Variants in RPS6KA2 observed in about 807,000 individuals in gnomAD.
RPS6KA2 encodes the protein ribosomal protein S6 kinase alpha-2.
Under a neutral mutation model 91.8 loss-of-function variants are expected in RPS6KA2, and 42 were observed. The ratio of observed to expected loss-of-function variants is 0.46; its 90% confidence interval spans 0.36 to 0.59. The LOEUF (loss-of-function observed/expected upper bound fraction) is 0.59. Among genes scored for constraint, RPS6KA2 ranks in the 20% least tolerant of loss-of-function variants. The pLI is 0.00. For synonymous variants in RPS6KA2, 414 were observed against 393.6 expected (o/e 1.05, Z -0.61); for missense variants, 798 against 978.5 (o/e 0.82, Z 2.46).
At chr6:166,453,157 C>A (rs914978649) in intron 12 of RPS6KA2, among the ~76,000 whole-genome samples, 2 of 151,262 alleles carry the variant, frequency 1.3e-5, no homozygotes, top group Admixed American at 1.3e-4. Flanking sequence ...GCCAAGATGG[C>A]GTCACTGCAC....
intron 2 of RPS6KA2, among the ~76,000 whole-genome samples, chr6:166,668,501 T>C (rs551271898): frequency 1.3e-5 from 2 of 152,270 alleles, no homozygotes; most frequent in South Asian, 4.1e-4. Flanking sequence ...AGAAAGTGTT[T>C]CATACAAAGA....
intron 1 of RPS6KA2, among the ~76,000 whole-genome samples, chr6:166,625,141 C>G (rs1450257039): frequency 6.6e-6 from 1 of 152,124 alleles, no homozygotes; most frequent in African/African-American, 2.4e-5. Context: ...CATTATTGAC[C>G]ATCTTAGTGA....
At chr6:166,457,062 A>G (rs969849545) in intron 12 of RPS6KA2, among the ~76,000 whole-genome samples, 6 of 152,202 alleles carry the variant, frequency 3.9e-5, no homozygotes, top group African/African-American at 1.4e-4. Flanking sequence ...CTGTATTAAC[A>G]TTTTCTTACC....
chr6:166,600,452 A>G (rs2128525988), intron 1 of RPS6KA2, among the ~76,000 whole-genome samples: 1 of 152,376 alleles, frequency 6.6e-6, no homozygotes, highest in East Asian at 1.9e-4. Flanking sequence ...AGATAAATGA[A>G]TGAGTCACCA....
intron 2 of RPS6KA2, among the ~76,000 whole-genome samples, chr6:166,718,705 G>A (rs751771880): frequency 3.9e-5 from 6 of 152,156 alleles, no homozygotes; most frequent in Non-Finnish European, 8.8e-5. Context: ...CTCACCCGCT[G>A]GTGTAAGATA....
intron 1 of RPS6KA2, among the ~76,000 whole-genome samples, chr6:166,566,312 C>G (rs1460784959): frequency 6.6e-6 from 1 of 152,226 alleles, no homozygotes; most frequent in Non-Finnish European, 1.5e-5. Flanking sequence ...CCAGGCTGCT[C>G]CTTGGCATCT....
At chr6:166,569,207 G>A (rs1181588624) in intron 1 of RPS6KA2, among the ~76,000 whole-genome samples, 2 of 152,182 alleles carry the variant, frequency 1.3e-5, no homozygotes. Flanking sequence ...CAACCCACAG[G>A]GGCTGAGACC....
intron 13 of RPS6KA2, among the ~76,000 whole-genome samples, chr6:166,450,513 C>A (rs1312268684): frequency 6.7e-6 from 1 of 149,932 alleles, no homozygotes; most frequent in Non-Finnish European, 1.5e-5. Flanking sequence ...TGGGGACCAC[C>A]AGAGGGACCA....
rs760945888 is a variant in RPS6KA2, at chr6:166,626,996, G to C, written c.24C>G (p.Phe8Leu). 1.9e-6 allele frequency: 3 copies of C among 1,550,890 alleles called. No individual in the cohort carries two copies. The Admixed American group carries it at 5.5e-5, about 28-fold the overall frequency. Residue 8 changes from phenylalanine (F) to leucine (L), a missense_variant, in exon 1 of 21, where the codon TTC becomes TTG. By Grantham distance (22) the Phe-to-Leu change is conservative. Coordinates refer to ENST00000265678, the MANE Select transcript of RPS6KA2 (RefSeq NM_021135.6). This position sits in a 1 kb window ranked among gnomAD's most constrained non-coding sequence, Gnocchi z 4.1. MDLSMKK[F>L]AVRRFFSVYL... ...ACACAGAGAAGAACCTGCGCACGGC[G>C]AACTTCTTCATGCTCAGGTCCATCG...
intron 2 of RPS6KA2, among the ~76,000 whole-genome samples, chr6:166,745,146 GCCTTTTTTTT>G (rs1562413545): frequency 4.9e-5 from 7 of 141,608 alleles, no homozygotes; most frequent in African/African-American, 1.9e-4. Flanking sequence ...GTCCTAATCG[GCCTTTTTTTT>G]TTTTTTTTTT....
At chr6:166,492,676 A>G (rs1781634091) in intron 8 of RPS6KA2, among the ~76,000 whole-genome samples, 1 of 150,984 alleles carries the variant, frequency 6.6e-6, no homozygotes, top group Admixed American at 6.6e-5. Flanking sequence ...TTGCTGATGG[A>G]CTGGTATCTT....
At chr6:166,768,962 A>G (rs936924584) in intron 2 of RPS6KA2, among the ~76,000 whole-genome samples, 4 of 152,162 alleles carry the variant, frequency 2.6e-5, no homozygotes, top group African/African-American at 7.2e-5. Flanking sequence ...GACTGGACAC[A>G]GGGTCCTGGC....
chr6:166,824,082 C>T (rs891454532), intron 2 of RPS6KA2, among the ~76,000 whole-genome samples: 1 of 151,730 alleles, frequency 6.6e-6, no homozygotes, highest in Non-Finnish European at 1.5e-5. Context: ...TGTGTATGTG[C>T]TTGTTTATAT....
chr6:166,547,816 C>T (rs1334651289), intron 1 of RPS6KA2, among the ~76,000 whole-genome samples: 6 of 152,238 alleles, frequency 3.9e-5, no homozygotes, highest in Admixed American at 1.3e-4. Flanking sequence ...TGAGTGGAAA[C>T]GCACCTGCCC....
At position 166,737,744 on chromosome 6, in the gene RPS6KA2, C is replaced by T. The variant is rs1790708572; in HGVS notation, c.123+120456G>A. Among the ~76,000 whole-genome samples the T allele has an allele frequency of 1.3e-5, 2 of 152,186 alleles. No individual in the cohort carries two copies. The highest frequency in any genetic ancestry group is 4.1e-4 in the South Asian group (2 of 4,830). ...AAAGGACTCTGGTGACGGTTCTGAA[C>T]TTGACAAATGCCGTACCCAAAATAG... is the stretch of plus-strand genomic sequence containing the variant. On this transcript the variant is annotated intron_variant, in intron 2 of 21. Coordinates refer to the RPS6KA2 transcript ENST00000503859. This position sits in a 1 kb window ranked among gnomAD's most constrained non-coding sequence, Gnocchi z 4.3.
At chr6:166,739,815 A>T (rs1309908283) in intron 2 of RPS6KA2, among the ~76,000 whole-genome samples, 1 of 152,210 alleles carries the variant, frequency 6.6e-6, no homozygotes, top group African/African-American at 2.4e-5. Context: ...GGCTCCGTGC[A>T]GCTTCCACTC....
At chr6:166,464,046 C>T (rs929561596) in intron 11 of RPS6KA2, among the ~76,000 whole-genome samples, 8 of 152,200 alleles carry the variant, frequency 5.3e-5, no homozygotes, top group East Asian at 3.8e-4. Context: ...ATAGAAATCT[C>T]GCTGCTGGCA....
At chr6:166,538,860 G>T in intron 1 of RPS6KA2, 76 bp from the exon 2 acceptor site, 1 of 737,068 alleles carries the variant, frequency 1.4e-6, no homozygotes, top group South Asian at 1.7e-5. Context: ...CTCCTCCCCT[G>T]AGTTTACCAC....
intron 10 of RPS6KA2, among the ~76,000 whole-genome samples, chr6:166,479,747 T>G (rs1781120170): frequency 6.6e-6 from 1 of 152,258 alleles, no homozygotes; most frequent in African/African-American, 2.4e-5. Context: ...GCTCCCCTTC[T>G]GCCCGTCCCT....
Sources: gnomAD v4.1 joint callset for allele counts (sites outside exome capture counted in the v4.1 genomes callset) on GRCh38, gnomAD v4.1.1 for gene constraint, Gnocchi (gnomAD v3.1) non-coding constraint, MANE v1.5 for transcripts, NCBI Gene and HGNC (gene_info 2026-07-23, HGNC 2026-07-21) for gene names.